KCNIP3: variants seen among roughly 807,000 people sequenced by gnomAD.
The protein encoded by KCNIP3 is potassium voltage-gated channel interacting protein 3.
Under a neutral mutation model 35.0 loss-of-function variants are expected in KCNIP3, and 28 were observed. That is an observed-to-expected ratio of 0.80 (90% CI 0.59 to 1.10). The LOEUF is 1.10. Ranked by LOEUF, KCNIP3 falls within the 50% of genes least tolerant of loss-of-function variation. The pLI, the probability that KCNIP3 is intolerant of heterozygous loss-of-function variation, is 0.00. For synonymous variants in KCNIP3, 134 were observed against 133.8 expected, an observed-to-expected ratio of 1.00 and a Z score of -0.01; for missense variants, 295 against 338.4, an observed-to-expected ratio of 0.87 and a Z score of 1.01.
chr2:95,327,409 ACGCTTACACTCACACATG>A (rs1678821688), intron 2 of KCNIP3, among the ~76,000 whole-genome samples: 1 of 151,898 alleles, frequency 6.6e-6, no homozygotes, highest in Admixed American at 6.6e-5. Flanking sequence ...ACTCTCACAT[ACGCTTACACTCACACATG>A]CACACACGTA....
At chr2:95,379,396 T>C (rs1680281762) in intron 5 of KCNIP3, among the ~76,000 whole-genome samples, 1 of 152,228 alleles carries the variant, frequency 6.6e-6, no homozygotes, top group African/African-American at 2.4e-5. Context: ...CATCTGAACC[T>C]GTTGCCCGGC....
intron 5 of KCNIP3, among the ~76,000 whole-genome samples, chr2:95,375,891 C>T (rs545902525): frequency 6.6e-6 from 1 of 152,358 alleles, no homozygotes; most frequent in East Asian, 1.9e-4. Context: ...TGAGAGCCGG[C>T]TTGATCGATA....
At chr2:95,324,519 AAT>A (rs1171372844) in intron 2 of KCNIP3, among the ~76,000 whole-genome samples, 4 of 143,120 alleles carry the variant, frequency 2.8e-5, no homozygotes, top group African/African-American at 1.1e-4. Context: ...TCTCAAAATA[AAT>A]AGATAAATAA....
At chr2:95,316,821 G>C (rs1413246677) in intron 2 of KCNIP3, among the ~76,000 whole-genome samples, 2 of 152,210 alleles carry the variant, frequency 1.3e-5, no homozygotes. Context: ...AATGAATACA[G>C]AACTGGCATT....
At chr2:95,326,549 A>G (rs1367657494) in intron 2 of KCNIP3, among the ~76,000 whole-genome samples, 2 of 152,212 alleles carry the variant, frequency 1.3e-5, no homozygotes, top group Admixed American at 1.3e-4. Flanking sequence ...TCAAATGGGA[A>G]GCCCTACAGG....
rs1314414330 is a variant in KCNIP3 at position 95,344,539 on chromosome 2, A to T, written c.182-29757A>T. On this transcript the variant is annotated intron_variant, in intron 2 of 8. Coordinates refer to ENST00000295225, the MANE Select transcript of KCNIP3 (RefSeq NM_013434.5). The stretch of plus-strand genomic sequence containing the variant: ...AGGATCGATGTCTTGTTTATAGCTC[A>T]GGGTTTATAGGCAGTCATCGAAGCT... 6.6e-5 allele frequency among the ~76,000 whole-genome samples: 10 copies of T among 152,326 alleles called. No individual in the cohort carries two copies. The East Asian group carries it at 1.7e-3, about 26-fold the overall frequency.
chr2:95,383,185 G>A (rs779997114), intron 7 of KCNIP3, 47 bp from the exon 8 acceptor site: 2 of 1,582,706 alleles, frequency 1.3e-6, no homozygotes, highest in Admixed American at 1.7e-5. Context: ...GGGCGGGGCT[G>A]TCTCTGCTGG....
chr2:95,304,019 T>C (rs1474915555), intron 1 of KCNIP3, among the ~76,000 whole-genome samples: 1 of 152,262 alleles, frequency 6.6e-6, no homozygotes, highest in Middle Eastern at 3.2e-3. Flanking sequence ...TGGAACCCAG[T>C]GTGTGTTTAC....
chr2:95,312,511 A>AGGGCCAGGGCT (rs992254792), intron 2 of KCNIP3: 3 of 152,376 alleles, frequency 2.0e-5, no homozygotes, highest in Non-Finnish European at 2.9e-5. Context: ...CACAGGAGAC[A>AGGGCCAGGGCT]GGGCCAGGGC....
At chr2:95,352,550 G>T (rs1200781217) in intron 2 of KCNIP3, among the ~76,000 whole-genome samples, 2 of 152,010 alleles carry the variant, frequency 1.3e-5, no homozygotes, top group Admixed American at 1.3e-4. Context: ...TCCCCGACCA[G>T]CCTTCCCCCC....
intron 2 of KCNIP3, among the ~76,000 whole-genome samples, chr2:95,335,550 C>A (rs1679040744): frequency 6.6e-6 from 1 of 152,074 alleles, no homozygotes; most frequent in South Asian, 2.1e-4. Flanking sequence ...GCAGTTTGAC[C>A]ATGCACATGT....
At chr2:95,381,367 A>G (rs1680334815) in intron 5 of KCNIP3, among the ~76,000 whole-genome samples, 3 of 152,042 alleles carry the variant, frequency 2.0e-5, no homozygotes, top group African/African-American at 7.2e-5. Flanking sequence ...ACAAGTTCTC[A>G]CACAGGTGCA....
At chr2:95,329,921 CAG>C (rs1271966239) in intron 2 of KCNIP3, among the ~76,000 whole-genome samples, 2 of 152,242 alleles carry the variant, frequency 1.3e-5, no homozygotes, top group African/African-American at 4.8e-5. Flanking sequence ...AATGCCAACT[CAG>C]GGCCTTCGCC....
intron 2 of KCNIP3, among the ~76,000 whole-genome samples, chr2:95,327,594 G>A (rs1678824977): frequency 6.6e-6 from 1 of 152,214 alleles, no homozygotes; most frequent in Non-Finnish European, 1.5e-5. Context: ...CTGTGAGGAG[G>A]GATCTGGAGT....
intron 2 of KCNIP3, among the ~76,000 whole-genome samples, chr2:95,358,377 C>G (rs1210787649): frequency 6.6e-6 from 1 of 152,202 alleles, no homozygotes; most frequent in Non-Finnish European, 1.5e-5. Context: ...AGGACCTGGA[C>G]TGAGACTTTT....
rs1680122796 is a variant in KCNIP3 at position 95,374,482 on chromosome 2, A to G, written c.306+62A>G. ...GACCCTGGCTCAGGGAGACCTGGAA[A>G]CTTCTCCATGCCACAGTAAATATCC... On this transcript the variant is annotated intron_variant, in intron 3 of 8. Transcript: ENST00000295225. 12 of 1,581,232 alleles carry G rather than the reference A, an allele frequency of 7.6e-6. No homozygotes were observed. The South Asian group carries it at 9.2e-5, about 12-fold the overall frequency.
At chr2:95,301,909 CGTGT>C (rs1295708236) in intron 1 of KCNIP3, among the ~76,000 whole-genome samples, 1 of 151,880 alleles carries the variant, frequency 6.6e-6, no homozygotes, top group Non-Finnish European at 1.5e-5. Flanking sequence ...GGCATGTGTA[CGTGT>C]GTGTGTATGT....
intron 2 of KCNIP3, among the ~76,000 whole-genome samples, chr2:95,322,560 C>T (rs560595718): frequency 2.0e-4 from 30 of 152,256 alleles, no homozygotes; most frequent in African/African-American, 7.0e-4. Flanking sequence ...CTATCAGTGT[C>T]CATAAAGGGC....
At chr2:95,333,620 C>T (rs562077352) in intron 2 of KCNIP3, among the ~76,000 whole-genome samples, 90 of 152,320 alleles carry the variant, frequency 5.9e-4, no homozygotes, top group African/African-American at 2.1e-3. Context: ...CTGTTGGTTG[C>T]AATTGTGACA....
Sources: gnomAD v4.1 joint callset for allele counts (sites outside exome capture counted in the v4.1 genomes callset) on GRCh38, gnomAD v4.1.1 for gene constraint, MANE v1.5 for transcripts, NCBI Gene and HGNC (gene_info 2026-07-23, HGNC 2026-07-21) for gene names.